Variants in CENPI observed in about 807,000 individuals in gnomAD.
CENPI encodes the protein FSH primary response 1.
CENPI carries 4 observed loss-of-function variants against 60.4 expected under a neutral mutation model. The observed-to-expected ratio is 0.07, with a 90% CI of 0.03 to 0.15. CENPI has a LOEUF of 0.15. CENPI is among the 10% of genes least tolerant of loss of function. The pLI is 1.00. For synonymous variants in CENPI, 157 were observed against 189.4 expected (o/e 0.83, Z 1.40); for missense variants, 444 against 534.5 (o/e 0.83, Z 1.67).
the CENPI span, among the ~76,000 whole-genome samples, chrX:101,175,145 T>A: frequency 1.8e-5 from 2 of 112,445 alleles, no homozygotes; most frequent in Non-Finnish European, 3.8e-5. Flanking sequence ...AATATTTTTT[T>A]AAATGTATTA....
intron 15 of CENPI, among the ~76,000 whole-genome samples, chrX:101,133,453 C>T (rs2089817163): frequency 2.8e-5 from 3 of 107,618 alleles, no homozygotes; most frequent in East Asian, 2.9e-4. Context: ...ATTTTTTGTA[C>T]GTCAGAGATG....
At chrX:101,150,376 T>C (rs914287764) in intron 20 of CENPI, among the ~76,000 whole-genome samples, 56 of 109,836 alleles carry the variant, frequency 5.1e-4, no homozygotes, top group Non-Finnish European at 9.6e-4. Flanking sequence ...TTATTTTTTT[T>C]TTTTAAGACA....
At chrX:101,126,644 G>T (rs914974992) in intron 8 of CENPI, 65 bp from the exon 9 acceptor site, 3 of 841,549 alleles carry the variant, frequency 3.6e-6, no homozygotes, top group Admixed American at 4.6e-5. Context: ...CCTTCTTATT[G>T]GTATTTGTTT....
At chrX:101,170,955 C>G (rs766255351), downstream of CENPI, among the ~76,000 whole-genome samples, 33 of 111,859 alleles carry the variant, frequency 3.0e-4, no homozygotes, top group African/African-American at 9.1e-4. Flanking sequence ...TATTGAAATC[C>G]CAACTGGCAT....
chrX:101,112,512 T>A (rs1215854107), intron 6 of CENPI, among the ~76,000 whole-genome samples: 1 of 112,332 alleles, frequency 8.9e-6, no homozygotes, highest in Non-Finnish European at 1.9e-5. Flanking sequence ...AAAGTACCAC[T>A]TGTCAAGTTT....
At chrX:101,143,773 C>T (rs1450871307) in intron 16 of CENPI, among the ~76,000 whole-genome samples, 1 of 112,102 alleles carries the variant, frequency 8.9e-6, no homozygotes, top group Non-Finnish European at 1.9e-5. Context: ...AGGTGATCCG[C>T]CTGCCTCAGC....
At chrX:101,168,305 C>T (rs1462310356), downstream of CENPI, among the ~76,000 whole-genome samples, 3 of 112,579 alleles carry the variant, frequency 2.7e-5, no homozygotes, top group Admixed American at 9.4e-5. Flanking sequence ...GTGGCTCACG[C>T]CTGTAATCCC....
intron 21 of CENPI, among the ~76,000 whole-genome samples, chrX:101,162,469 A>ATATATATATATAT (rs1204721257): frequency 3.6e-5 from 3 of 84,086 alleles, no homozygotes; most frequent in Admixed American, 1.3e-4. Context: ...AAAAAAAAAA[A>ATATATATATATAT]AAAAATATAT....
chrX:101,100,272 T>C (rs150293849), intron 2 of CENPI, among the ~76,000 whole-genome samples: 23 of 111,962 alleles, frequency 2.1e-4, no homozygotes, highest in African/African-American at 7.1e-4. Context: ...AAATGCTTAG[T>C]CTGGCCACCA....
rs1047970360 is a variant in CENPI at position 101,133,644 on chromosome X, T to G, written c.1470+1188T>G. Reference sequence around the variant, plus strand: ...TCTCAGGCCAAGAAGGAGGACAGTCTAAAGGAATCTTAAGAAATTGCCAGA... The same window carrying G: ...TCTCAGGCCAAGAAGGAGGACAGTCGAAAGGAATCTTAAGAAATTGCCAGA... On this transcript the variant is annotated intron_variant, in intron 15 of 21. Transcript: ENST00000682095. Among the ~76,000 whole-genome samples the G allele has an allele frequency of 8.1e-5, 9 of 110,732 alleles. No homozygotes were observed. The East Asian group carries it at 2.6e-3, about 31-fold the overall frequency.
At chrX:101,140,488 C>T (rs1432619247) in intron 15 of CENPI, among the ~76,000 whole-genome samples, 178 bp from the exon 16 acceptor site, 3 of 112,214 alleles carry the variant, frequency 2.7e-5, no homozygotes, top group Non-Finnish European at 5.6e-5. Context: ...GCAAAATAAA[C>T]TTGTACTTGG....
intron 20 of CENPI, among the ~76,000 whole-genome samples, chrX:101,161,061 G>A (rs779507651): frequency 8.9e-6 from 1 of 112,226 alleles, no homozygotes; most frequent in South Asian, 3.7e-4. Context: ...ACTATCTTAT[G>A]TTTATAAAAA....
In CENPI at chrX:101,139,819, T is replaced by C. The variant is rs772226309; in HGVS notation, c.1471-847T>C. 1.3e-4 allele frequency among the ~76,000 whole-genome samples: 8 copies of C among 59,770 alleles called. No individual in the cohort carries two copies. The South Asian group carries it at 5.9e-3, about 44-fold the overall frequency. 51.9% of individuals were successfully genotyped at this position (59,770 alleles called of 115,157 possible). On this transcript the variant is annotated intron_variant, in intron 15 of 21. Transcript: ENST00000682095. ...TGGACGAATTTATGTCATTATTGTA[T>C]GTTTTTTTTTTTTTGTTTTTTGTTT... is the stretch of plus-strand genomic sequence containing the variant.
chrX:101,104,739 A>G (rs1334566460), intron 4 of CENPI, among the ~76,000 whole-genome samples: 2 of 110,592 alleles, frequency 1.8e-5, no homozygotes, highest in African/African-American at 6.6e-5. Context: ...ATGTGCCTGT[A>G]GTCCCAGCTA....
intron 13 of CENPI, among the ~76,000 whole-genome samples, chrX:101,130,921 C>G (rs920720989): frequency 3.6e-5 from 4 of 111,991 alleles, no homozygotes; most frequent in Non-Finnish European, 7.5e-5. Flanking sequence ...GAGCTCCCAG[C>G]AGGCAGAAAC....
chrX:101,168,005 C>CT (rs1231427627), downstream of CENPI, among the ~76,000 whole-genome samples: 10 of 111,637 alleles, frequency 9.0e-5, no homozygotes, highest in African/African-American at 3.3e-4. Context: ...TATGTGGAGA[C>CT]TAACAGCATG....
intron 17 of CENPI, among the ~76,000 whole-genome samples, chrX:101,145,881 C>T (rs373962848): frequency 3.2e-4 from 35 of 109,785 alleles, no homozygotes; most frequent in Middle Eastern, 4.7e-3. Flanking sequence ...GAAATACTTC[C>T]TTAATCTACC....
At chrX:101,177,026 G>A in the CENPI span, among the ~76,000 whole-genome samples, 2 of 111,548 alleles carry the variant, frequency 1.8e-5, no homozygotes, top group African/African-American at 3.3e-5. Flanking sequence ...CCAGTGGCGG[G>A]CTGAATGTAC....
intron 4 of CENPI, among the ~76,000 whole-genome samples, chrX:101,105,894 TC>T (rs2089478714): frequency 9.0e-6 from 1 of 111,688 alleles, no homozygotes; most frequent in African/African-American, 3.3e-5. Flanking sequence ...ATTTTTTTTT[TC>T]TGTTAAGCTG....
Sources: allele counts gnomAD v4.1 joint callset (sites outside exome capture counted in the v4.1 genomes callset), GRCh38; gene constraint gnomAD v4.1.1; transcripts MANE v1.5; gene names NCBI Gene and HGNC (gene_info 2026-07-23, HGNC 2026-07-21).